CPNE8: variants seen among roughly 807,000 people sequenced by gnomAD.
CPNE8 encodes copine-8.
A neutral mutation model predicts 81.5 loss-of-function variants in CPNE8; 45 were observed. The observed-to-expected ratio is 0.55, with a 90% CI of 0.44 to 0.71. CPNE8 has a LOEUF of 0.71. Among genes scored for constraint, CPNE8 ranks in the 30% least tolerant of loss-of-function variants. The pLI is 0.00. For missense variants in CPNE8, 594 were observed against 672.1 expected (o/e 0.88, Z 1.28); for synonymous variants, 252 against 226.3 (o/e 1.11, Z -1.02).
intron 1 of CPNE8, among the ~76,000 whole-genome samples, chr12:38,884,109 G>A (rs989203131): frequency 2.0e-5 from 3 of 152,080 alleles, no homozygotes; most frequent in Non-Finnish European, 2.9e-5. Context: ...TCACAGAGTT[G>A]TGCAACTACT....
chr12:38,859,647 G>GT (rs1267675380), intron 3 of CPNE8, among the ~76,000 whole-genome samples: 3 of 151,966 alleles, frequency 2.0e-5, no homozygotes, highest in African/African-American at 7.2e-5. Context: ...AAAGCTCCAG[G>GT]TATCACACTT....
chr12:38,805,649 C>A (rs1371961884), intron 6 of CPNE8, among the ~76,000 whole-genome samples: 3 of 69,398 alleles, frequency 4.3e-5, no homozygotes, highest in Non-Finnish European at 2.8e-5. Flanking sequence ...TAACCTAAAA[C>A]TTAGAGTATA....
chr12:38,735,692 A>C (rs1210936649), intron 10 of CPNE8, among the ~76,000 whole-genome samples: 1 of 152,008 alleles, frequency 6.6e-6, no homozygotes, highest in Non-Finnish European at 1.5e-5. Flanking sequence ...AAATCCTGAT[A>C]ATCTAGTTTC....
intron 11 of CPNE8, among the ~76,000 whole-genome samples, chr12:38,728,809 T>C (rs183830286): frequency 6.6e-6 from 1 of 152,296 alleles, no homozygotes; most frequent in East Asian, 1.9e-4. Context: ...AGATTGTCCA[T>C]TGAACTCCTA....
intron 6 of CPNE8, among the ~76,000 whole-genome samples, chr12:38,808,125 A>G (rs1475228497): frequency 6.6e-6 from 1 of 152,084 alleles, no homozygotes; most frequent in Non-Finnish European, 1.5e-5. Flanking sequence ...GAGGATGTGG[A>G]GAAATAGGAA....
chr12:38,819,653 G>C (rs1184568203), intron 6 of CPNE8, among the ~76,000 whole-genome samples: 2 of 151,152 alleles, frequency 1.3e-5, no homozygotes, highest in Non-Finnish European at 2.9e-5. Flanking sequence ...TGTAGTCCCA[G>C]CTACTCGGGA....
chr12:38,703,472 C>T (rs59541634), intron 13 of CPNE8, among the ~76,000 whole-genome samples: 59 of 152,082 alleles, frequency 3.9e-4, no homozygotes, highest in South Asian at 6.2e-4. Context: ...TAATAAGGGC[C>T]GTCTATGACA....
chr12:38,704,848 A>ATATGTG (rs1940062291), intron 13 of CPNE8, among the ~76,000 whole-genome samples: 1 of 134,284 alleles, frequency 7.4e-6, no homozygotes, highest in South Asian at 2.3e-4. Context: ...ATATATATAT[A>ATATGTG]TATATATATA....
At chr12:38,890,991 G>A (rs1944307005) in intron 1 of CPNE8, among the ~76,000 whole-genome samples, 1 of 151,594 alleles carries the variant, frequency 6.6e-6, no homozygotes, top group African/African-American at 2.4e-5. Context: ...CAGTGGCATA[G>A]TTTCGGCTCA....
chr12:38,782,678 TTTTTGTTTTG>T (rs898495692), intron 6 of CPNE8, among the ~76,000 whole-genome samples: 2 of 150,730 alleles, frequency 1.3e-5, no homozygotes, highest in African/African-American at 4.9e-5. Context: ...TTTTGTTTTG[TTTTTGTTTTG>T]TTTTTTTTTT....
In CPNE8 at chr12:38,839,956, C is replaced by A; in HGVS notation, c.291-1G>T. Reference sequence around the variant, plus strand: ...GGGGCTCTTTGAATCAACATCATACCTAAAAGATTGAAATATAAAACTCAA... The same window carrying A: ...GGGGCTCTTTGAATCAACATCATACATAAAAGATTGAAATATAAAACTCAA... On this transcript the variant is annotated splice_acceptor_variant, in intron 4 of 19. Transcript: ENST00000331366. LOFTEE classifies it high-confidence loss of function. 1 of 1,577,800 alleles carries A rather than the reference C, an allele frequency of 6.3e-7. No homozygotes were observed. The highest frequency in any genetic ancestry group is 8.6e-7 in the Non-Finnish European group (1 of 1,157,984).
Position 38,767,663 on chromosome 12 carries a change from CAAGGA to C in CPNE8, c.542_546del (p.Phe181CysfsTer6). 6.4e-7 allele frequency: 1 copy of C among 1,564,068 alleles called. No individual in the cohort carries two copies. The highest frequency in any genetic ancestry group is 8.6e-7 in the Non-Finnish European group (1 of 1,161,538). The stretch of plus-strand genomic sequence containing the variant: ...CCATCTTCATTACTTCGATAAAATA[CAAGGA>C]AAGGATCTGATTTTCCAAAGAAGTC... On this transcript the variant is annotated frameshift_variant, in exon 8 of 20. Transcript: ENST00000331366. LOFTEE classifies it high-confidence loss of function.
chr12:38,666,869 C>A (rs562966870), intron 19 of CPNE8, among the ~76,000 whole-genome samples: 16 of 152,244 alleles, frequency 1.1e-4, no homozygotes, highest in African/African-American at 3.9e-4. Context: ...AGGAATTGAG[C>A]TAGCTTCATG....
intron 6 of CPNE8, among the ~76,000 whole-genome samples, chr12:38,809,490 G>A (rs1592111462): frequency 6.6e-6 from 1 of 152,134 alleles, no homozygotes; most frequent in South Asian, 2.1e-4. Context: ...AGCATGATTA[G>A]TAATTTTAGT....
rs889966567 is a variant in CPNE8, at chr12:38,652,729, A to G, written c.*1153T>C. 1 of 152,644 alleles carries G rather than the reference A, an allele frequency of 6.6e-6. No homozygotes were observed. Among genetic ancestry groups the G allele is most frequent in the Non-Finnish European group, 1.5e-5 (1 of 68,032 alleles). 9.5% of individuals were successfully genotyped at this position (152,644 alleles called of 1,614,324 possible). On this transcript the variant is annotated 3_prime_UTR_variant, in exon 20 of 20. Coordinates refer to ENST00000331366, the MANE Select transcript of CPNE8 (RefSeq NM_153634.3). Reference sequence around the variant, plus strand: ...GCTTTAATTTAGACACAACTTCACAAAACTGTAATTCTTGTAAAAACTGTA... The same window carrying G: ...GCTTTAATTTAGACACAACTTCACAGAACTGTAATTCTTGTAAAAACTGTA...
At chr12:38,747,353 T>G (rs997087227) in intron 10 of CPNE8, among the ~76,000 whole-genome samples, 1 of 152,170 alleles carries the variant, frequency 6.6e-6, no homozygotes, top group Admixed American at 6.5e-5. Context: ...GGATTATGAA[T>G]TTAAGTTATT....
chr12:38,900,265 C>T (rs1463742702), intron 1 of CPNE8, among the ~76,000 whole-genome samples: 4 of 152,050 alleles, frequency 2.6e-5, no homozygotes, highest in Non-Finnish European at 4.4e-5. Context: ...GTGTGTATAA[C>T]CAGCACAGCT....
In CPNE8 at chr12:38,903,328, A is replaced by ATTTT. The variant is rs56748675; in HGVS notation, c.98+2105_98+2108dup. ...CTAAGTATTCAGGTTCTCTTTCAGG[A>ATTTT]TTTTTTTTTCCTGTTAGAAATCTTA... On this transcript the variant is annotated intron_variant, in intron 1 of 19. Transcript: ENST00000331366. Among the ~76,000 whole-genome samples, 207 of 151,806 alleles carry ATTTT rather than the reference A, an allele frequency of 1.4e-3. 1 individual carries two copies. The highest frequency in any genetic ancestry group is 4.6e-3 in the African/African-American group (189 of 41,326).
intron 16 of CPNE8, chr12:38,679,517 G>A: frequency 1.2e-6 from 1 of 834,628 alleles, no homozygotes; most frequent in Non-Finnish European, 1.4e-6. Context: ...GTAGAAAGTT[G>A]CATGAGTTTA....
Sources: gnomAD v4.1 joint callset for allele counts (sites outside exome capture counted in the v4.1 genomes callset) on GRCh38, gnomAD v4.1.1 for gene constraint, MANE v1.5 for transcripts, NCBI Gene and HGNC (gene_info 2026-07-23, HGNC 2026-07-21) for gene names.